Variants in TRPM3 observed in about 807,000 individuals in gnomAD.
TRPM3 encodes the protein long transient receptor potential channel 3.
A neutral mutation model predicts 181.2 loss-of-function variants in TRPM3; 77 were observed. The ratio of observed to expected loss-of-function variants is 0.42; its 90% CI spans 0.35 to 0.51. The LOEUF is 0.51. Ranked by LOEUF, TRPM3 falls within the 20% of genes least tolerant of loss-of-function variation. The pLI is 0.01. For synonymous variants in TRPM3, 745 were observed against 796.4 expected, an observed-to-expected ratio of 0.94 and a Z score of 1.09; for missense variants, 1,759 against 2,196.7, an observed-to-expected ratio of 0.80 and a Z score of 3.98.
At chr9:70,752,266 C>T (rs1026752727) in intron 8 of TRPM3, among the ~76,000 whole-genome samples, 4 of 152,088 alleles carry the variant, frequency 2.6e-5, no homozygotes, top group Admixed American at 2.0e-4. Flanking sequence ...CAGAAAGGCT[C>T]ATGTATAGGT....
intron 1 of TRPM3, among the ~76,000 whole-genome samples, chr9:71,016,258 G>A (rs1252168812): frequency 1.1e-5 from 1 of 89,078 alleles, no homozygotes; most frequent in Non-Finnish European, 2.3e-5. Flanking sequence ...GTGTGTGTGT[G>A]TATCTGTGTG....
intron 5 of TRPM3, among the ~76,000 whole-genome samples, chr9:70,831,430 A>T (rs1261724586): frequency 6.6e-6 from 1 of 151,140 alleles, no homozygotes; most frequent in African/African-American, 2.4e-5. Flanking sequence ...GTGTGGTAAG[A>T]ACAATTTGAT....
chr9:71,293,299 G>A (rs1461676772), intron 1 of TRPM3, among the ~76,000 whole-genome samples: 1 of 151,730 alleles, frequency 6.6e-6, no homozygotes, highest in Non-Finnish European at 1.5e-5. Flanking sequence ...AATGCAGTAA[G>A]TCTAGATAAA....
intron 1 of TRPM3, among the ~76,000 whole-genome samples, chr9:71,151,594 T>C (rs1408142301): frequency 6.6e-6 from 1 of 152,076 alleles, no homozygotes; most frequent in Non-Finnish European, 1.5e-5. Context: ...CTAGCAATTT[T>C]ACTGCTAGGA....
chr9:71,149,411 C>T (rs1290215361), intron 1 of TRPM3, among the ~76,000 whole-genome samples: 1 of 151,682 alleles, frequency 6.6e-6, no homozygotes, highest in Non-Finnish European at 1.5e-5. Flanking sequence ...TCAAAAAACA[C>T]AAAACGAAAC....
chr9:71,079,871 C>A (rs2063987103), intron 1 of TRPM3, among the ~76,000 whole-genome samples: 1 of 152,076 alleles, frequency 6.6e-6, no homozygotes. Flanking sequence ...CTCAGAAGGA[C>A]TTAAAGGAGA....
At chr9:71,276,804 T>C (rs1196614326) in intron 1 of TRPM3, among the ~76,000 whole-genome samples, 1 of 152,208 alleles carries the variant, frequency 6.6e-6, no homozygotes, top group Non-Finnish European at 1.5e-5. Flanking sequence ...GTATTAATTC[T>C]TGACAAATTT....
At chr9:71,072,489 A>C (rs2133571432) in intron 1 of TRPM3, among the ~76,000 whole-genome samples, 1 of 152,124 alleles carries the variant, frequency 6.6e-6, no homozygotes, top group South Asian at 2.1e-4. Context: ...CCTCCCAATA[A>C]CCCAAGAGGC....
intron 3 of TRPM3, among the ~76,000 whole-genome samples, chr9:70,859,551 C>T (rs2095473634): frequency 6.6e-6 from 1 of 152,134 alleles, no homozygotes; most frequent in Admixed American, 6.6e-5. Context: ...AGTAGATGTT[C>T]CATACATTTT....
At chr9:71,224,427 G>A (rs1479240117) in intron 1 of TRPM3, among the ~76,000 whole-genome samples, 1 of 152,156 alleles carries the variant, frequency 6.6e-6, no homozygotes, top group African/African-American at 2.4e-5. Context: ...GCCTTCCCAA[G>A]GACAGGTACA....
At chr9:71,047,810 T>TCA (rs56653631) in intron 1 of TRPM3, among the ~76,000 whole-genome samples, 16,401 of 141,180 alleles carry the variant, frequency 0.12, 1,155 homozygotes, top group Non-Finnish European at 0.16. Flanking sequence ...ACTGGCTGCA[T>TCA]CACACACACA....
intron 1 of TRPM3, among the ~76,000 whole-genome samples, chr9:71,399,132 T>TA (rs1451243680): frequency 1.4e-5 from 2 of 144,678 alleles, no homozygotes; most frequent in African/African-American, 5.1e-5. Context: ...AGCATTTATA[T>TA]AAAAAATGAC....
At chr9:70,592,263 T>A (rs2058253714) in intron 21 of TRPM3, among the ~76,000 whole-genome samples, 1 of 151,820 alleles carries the variant, frequency 6.6e-6, no homozygotes, top group Admixed American at 6.6e-5. Context: ...CCGGCAAGAG[T>A]GATAGAAGCA....
intron 8 of TRPM3, among the ~76,000 whole-genome samples, chr9:70,760,365 G>A (rs533360586): frequency 2.7e-5 from 4 of 149,996 alleles, no homozygotes; most frequent in Non-Finnish European, 4.4e-5. Flanking sequence ...TGCCTCCCTG[G>A]ATAGAGGAAG....
In TRPM3 at chr9:71,008,306, T is replaced by C. The variant is rs866153440; in HGVS notation, c.177+112872A>G. Among the ~76,000 whole-genome samples the C allele has an allele frequency of 2.2e-4, 34 of 152,194 alleles. No individual in the cohort carries two copies. The Middle Eastern group carries it at 0.024, about 107-fold the overall frequency. ...CATTAAAGAAAAGCCCAGAACCTGA[T>C]GGCTACACCACTGAATTCTACCAAA... On this transcript the variant is annotated intron_variant, in intron 1 of 25. Transcript: ENST00000677713.
intron 1 of TRPM3, among the ~76,000 whole-genome samples, chr9:71,384,577 T>G (rs865891902): frequency 6.6e-6 from 1 of 152,214 alleles, no homozygotes; most frequent in Non-Finnish European, 1.5e-5. Context: ...GTTGTTGCCA[T>G]GGAAACTGCC....
intron 1 of TRPM3, among the ~76,000 whole-genome samples, chr9:70,973,228 G>T (rs2097264045): frequency 6.6e-6 from 1 of 151,968 alleles, no homozygotes; most frequent in African/African-American, 2.4e-5. Flanking sequence ...TATTAGTAGG[G>T]GACTCTTTTT....
chr9:71,253,036 A>G (rs1258146215), intron 1 of TRPM3, among the ~76,000 whole-genome samples: 1 of 151,864 alleles, frequency 6.6e-6, no homozygotes, highest in African/African-American at 2.4e-5. Flanking sequence ...TCCAAATTTG[A>G]TTCAACATCC....
intron 6 of TRPM3, among the ~76,000 whole-genome samples, chr9:70,823,745 C>A (rs2093361873): frequency 6.6e-6 from 1 of 152,224 alleles, no homozygotes; most frequent in Non-Finnish European, 1.5e-5. Context: ...AGACCTTAAC[C>A]ATGACTGGTA....
Sources: allele counts gnomAD v4.1 joint callset (sites outside exome capture counted in the v4.1 genomes callset), GRCh38; gene constraint gnomAD v4.1.1; transcripts MANE v1.5; gene names NCBI Gene and HGNC (gene_info 2026-07-23, HGNC 2026-07-21).